Variants in RPTOR observed in about 807,000 individuals in gnomAD.
RPTOR encodes regulatory associated protein of MTOR complex 1, also known as regulatory-associated protein of mTOR.
A neutral mutation model predicts 169.9 loss-of-function variants in RPTOR; 21 were observed. The observed-to-expected ratio is 0.12, with a 90% CI of 0.09 to 0.18. The LOEUF is 0.18. Among genes scored for constraint, RPTOR ranks in the 10% least tolerant of loss-of-function variants. The pLI is 1.00. For synonymous variants in RPTOR, 732 were observed against 753.2 expected (o/e 0.97, Z 0.46); for missense variants, 1,133 against 1,855.9 (o/e 0.61, Z 7.16).
intron 1 of RPTOR, among the ~76,000 whole-genome samples, chr17:80,547,039 AG>A (rs1186941820): frequency 6.6e-6 from 1 of 152,208 alleles, no homozygotes; most frequent in African/African-American, 2.4e-5. Flanking sequence ...ATTGCACTCC[AG>A]CCTAGGGGAC....
intron 1 of RPTOR, among the ~76,000 whole-genome samples, chr17:80,584,861 T>A (rs544200496): frequency 6.6e-6 from 1 of 152,332 alleles, no homozygotes; most frequent in South Asian, 2.1e-4. Context: ...TTTATTAAAA[T>A]AAATGATCTT....
chr17:80,664,741 T>C (rs558026349), intron 3 of RPTOR, among the ~76,000 whole-genome samples: 1 of 152,256 alleles, frequency 6.6e-6, no homozygotes, highest in Non-Finnish European at 1.5e-5. Flanking sequence ...GTTTGCTTGA[T>C]TAGGAGATGG....
intron 7 of RPTOR, among the ~76,000 whole-genome samples, chr17:80,818,704 ACT>A (rs1271632220): frequency 2.6e-5 from 4 of 151,742 alleles, no homozygotes; most frequent in Admixed American, 6.6e-5. Context: ...TGGGCAGATG[ACT>A]CTGTCTGGTT....
rs530063994 is a variant in RPTOR, at chr17:80,960,219, G to A, written c.3605+14G>A. ...ACTCAGCGAATGGTACCTTGACCCT[G>A]TCCTCTCCCTCCCCGAGTGCTGGCA... On this transcript the variant is annotated intron_variant, in intron 30 of 33. Transcript: ENST00000306801. This position sits in a 1 kb window ranked among gnomAD's most constrained non-coding sequence, Gnocchi z 4.8. 2 of 1,613,162 alleles carry A rather than the reference G, an allele frequency of 1.2e-6. No homozygotes were observed. The highest frequency in any genetic ancestry group is 2.7e-5 in the African/African-American group (2 of 75,056).
intron 1 of RPTOR, among the ~76,000 whole-genome samples, chr17:80,570,292 G>C (rs1015340834): frequency 6.6e-6 from 1 of 152,074 alleles, no homozygotes; most frequent in African/African-American, 2.4e-5. Context: ...TGTGTATGGT[G>C]GGAGGGCTAG....
intron 6 of RPTOR, among the ~76,000 whole-genome samples, chr17:80,783,205 T>C (rs544726065): frequency 1.0e-3 from 154 of 152,322 alleles, no homozygotes; most frequent in Non-Finnish European, 1.8e-3. Flanking sequence ...CTTCCTTAAA[T>C]GATTTCCCGA....
At chr17:80,757,958 C>T (rs2066697811) in intron 6 of RPTOR, among the ~76,000 whole-genome samples, 5 of 152,242 alleles carry the variant, frequency 3.3e-5, no homozygotes, top group Admixed American at 2.6e-4. Flanking sequence ...GCCCATTTCA[C>T]GTTACCCCAG....
intron 22 of RPTOR, 122 bp downstream of exon 22, chr17:80,922,949 C>T (rs1402662258): frequency 5.1e-6 from 4 of 783,662 alleles, no homozygotes; most frequent in Admixed American, 5.3e-5. Context: ...TTCGTCTCCT[C>T]CCCCCTCTCC....
intron 6 of RPTOR, among the ~76,000 whole-genome samples, chr17:80,765,374 A>G (rs2066775930): frequency 6.6e-6 from 1 of 152,170 alleles, no homozygotes; most frequent in African/African-American, 2.4e-5. Context: ...TCCAGGTCAA[A>G]GGCTTCACTT....
At chr17:80,838,769 C>T (rs1203195971) in intron 10 of RPTOR, among the ~76,000 whole-genome samples, 1 of 152,176 alleles carries the variant, frequency 6.6e-6, no homozygotes, top group African/African-American at 2.4e-5. Context: ...TGGGGCCACA[C>T]CTGAGACACC....
intron 3 of RPTOR, among the ~76,000 whole-genome samples, chr17:80,673,160 C>T (rs901670095): frequency 6.6e-6 from 1 of 152,166 alleles, no homozygotes; most frequent in Non-Finnish European, 1.5e-5. Flanking sequence ...TTCCTGACCT[C>T]AGGTGATTGG....
intron 6 of RPTOR, chr17:80,773,722 A>T: frequency 1.1e-6 from 1 of 933,230 alleles, no homozygotes; most frequent in Non-Finnish European, 1.3e-6. Flanking sequence ...GCCCTCCTCC[A>T]GGCAGGCGCT....
intron 11 of RPTOR, among the ~76,000 whole-genome samples, chr17:80,847,802 C>G (rs929980092): frequency 3.9e-5 from 6 of 152,204 alleles, no homozygotes; most frequent in Admixed American, 3.9e-4. Flanking sequence ...CCTTCCAGAG[C>G]TCGTGCTTTC....
In RPTOR at chr17:80,932,826, C is replaced by A. The variant is rs192420146; in HGVS notation, c.2919+7346C>A. ...AGACACACACATGCACGTGCACACA[C>A]ACATATACACACACAGCTGGACACA... On this transcript the variant is annotated intron_variant, in intron 24 of 33. Transcript: ENST00000306801. 1.6e-3 allele frequency among the ~76,000 whole-genome samples: 239 copies of A among 152,298 alleles called. 1 individual carries two copies. The highest frequency in any genetic ancestry group is 2.5e-3 in the Non-Finnish European group (173 of 68,034).
chr17:80,684,176 G>A (rs2065918251), intron 3 of RPTOR, among the ~76,000 whole-genome samples: 1 of 152,094 alleles, frequency 6.6e-6, no homozygotes, highest in South Asian at 2.1e-4. Flanking sequence ...TATTTGCACT[G>A]TACTCAAGTT....
Position 80,883,438 on chromosome 17 carries a change from C to T in RPTOR, c.1604C>T (p.Thr535Met), listed in dbSNP as rs866939416. Residue 535 changes from threonine to methionine, a missense_variant, in exon 15 of 34, where the codon ACG becomes ATG. By Grantham distance (81) the Thr-to-Met change is moderately conservative. Transcript: ENST00000306801. ...PYMPAEHRTMTAFILAVIVNS... is the reference protein window; with the variant it reads ...PYMPAEHRTMMAFILAVIVNS... ...TTCCAGGCTGAACACCGGACCATGA[C>T]GGCTTTCATTCTCGCCGTGATCGTC... is the stretch of plus-strand genomic sequence containing the variant. 1 of 1,614,156 alleles carries T rather than the reference C, an allele frequency of 6.2e-7. No individual in the cohort carries two copies. The highest frequency in any genetic ancestry group is 8.5e-7 in the Non-Finnish European group (1 of 1,180,046).
chr17:80,926,115 A>G (rs1453374128), intron 24 of RPTOR, among the ~76,000 whole-genome samples: 4 of 152,218 alleles, frequency 2.6e-5, no homozygotes, highest in African/African-American at 9.7e-5. Context: ...CTCTTCCCTC[A>G]TATATAATTG....
At chr17:80,879,849 C>A (rs2068166150) in intron 13 of RPTOR, among the ~76,000 whole-genome samples, 2 of 152,210 alleles carry the variant, frequency 1.3e-5, no homozygotes. Context: ...AGCTTTAGCA[C>A]CAGGAAACCT....
At chr17:80,629,777 C>T (rs542070438) in intron 2 of RPTOR, among the ~76,000 whole-genome samples, 6 of 147,042 alleles carry the variant, frequency 4.1e-5, no homozygotes, top group Admixed American at 2.0e-4. Flanking sequence ...GACATTGTAC[C>T]GCAGCTCTTC....
Sources: gnomAD v4.1 joint callset for allele counts (sites outside exome capture counted in the v4.1 genomes callset) on GRCh38, gnomAD v4.1.1 for gene constraint, Gnocchi (gnomAD v3.1) non-coding constraint, MANE v1.5 for transcripts, NCBI Gene and HGNC (gene_info 2026-07-23, HGNC 2026-07-21) for gene names.